The following SLC13A4 variants were observed in gnomAD, a reference collection of about 807,000 sequenced individuals.
The protein encoded by SLC13A4 is solute carrier family 13 member 4.
In SLC13A4, 28 loss-of-function variants were observed where a neutral mutation model predicts 72.7. The ratio of observed to expected loss-of-function variants is 0.39; its 90% CI spans 0.29 to 0.53. The LOEUF is 0.53. Ranked by LOEUF, SLC13A4 falls within the 20% of genes least tolerant of loss-of-function variation. SLC13A4 has a pLI of 0.78. For synonymous variants in SLC13A4, 312 were observed against 325.5 expected (o/e 0.96, Z 0.45); for missense variants, 653 against 788.0 (o/e 0.83, Z 2.05).
At position 135,708,124 on chromosome 7, in the gene SLC13A4, T is replaced by C; in HGVS notation, c.355A>G (p.Lys119Glu). 6.2e-7 allele frequency: 1 copy of C among 1,613,280 alleles called. No homozygotes were observed. The highest frequency in any genetic ancestry group is 1.7e-5 in the Admixed American group (1 of 60,008). ...ALRMVLMAGA[K>E]PGMLLLCFMC... is the part of the protein sequence containing the mutation. Reference sequence around the variant, plus strand: ...CCAAATAAGACTTACATGCCCGGCTTGGCTCCGGCCATCAAGACCATGCGC... The same window carrying C: ...CCAAATAAGACTTACATGCCCGGCTCGGCTCCGGCCATCAAGACCATGCGC... Residue 119 changes from lysine (K) to glutamate (E), a missense_variant, in exon 3 of 16, where the codon AAG becomes GAG. Transcript: ENST00000682651.
intron 13 of SLC13A4, among the ~76,000 whole-genome samples, chr7:135,688,563 A>AG (rs1208201030): frequency 6.6e-6 from 1 of 152,102 alleles, no homozygotes; most frequent in East Asian, 1.9e-4. Context: ...GGCCTAGTAA[A>AG]GTGAAATAAT....
intron 8 of SLC13A4, among the ~76,000 whole-genome samples, chr7:135,698,852 C>T (rs1176744610): frequency 1.3e-5 from 2 of 151,918 alleles, no homozygotes; most frequent in African/African-American, 4.8e-5. Flanking sequence ...TCAGGCTGGT[C>T]TAGGGATCCT....
chr7:135,699,287 A>G (rs751648428), intron 8 of SLC13A4, 77 bp downstream of exon 8: 101 of 1,327,684 alleles, frequency 7.6e-5, no homozygotes, highest in African/African-American at 6.7e-4. Flanking sequence ...ATTTTCTACC[A>G]TATCTCTAGC....
At chr7:135,699,295 A>G (rs984409745) in intron 8 of SLC13A4, 69 bp downstream of exon 8, 7 of 1,398,916 alleles carry the variant, frequency 5.0e-6, no homozygotes, top group African/African-American at 2.9e-5. Flanking sequence ...CCATATCTCT[A>G]GCACCTAGTC....
rs4732137 is a variant in SLC13A4, at chr7:135,723,428, C to T, written c.100-1905G>A. On this transcript the variant is annotated intron_variant, in intron 1 of 15. Coordinates refer to ENST00000682651, the MANE Select transcript of SLC13A4 (RefSeq NM_001318192.2). ...GATGAACGCTGTTAAGACAGGTTACCGCCTTACTCTAGGGAGAGGCTGCAG... is the reference window on the plus strand; with the variant it reads ...GATGAACGCTGTTAAGACAGGTTACTGCCTTACTCTAGGGAGAGGCTGCAG... Among the ~76,000 whole-genome samples, 220 of 152,206 alleles carry T rather than the reference C, an allele frequency of 1.4e-3. No homozygotes were observed. In the Middle Eastern group the frequency reaches 0.017, roughly 12 times the overall value.
At chr7:135,698,401 C>G (rs1795953459) in intron 8 of SLC13A4, among the ~76,000 whole-genome samples, 1 of 135,022 alleles carries the variant, frequency 7.4e-6, no homozygotes, top group Admixed American at 8.6e-5. Context: ...GTGTCACGAT[C>G]TTGGCTCACT....
chr7:135,683,248 G>A (rs1247249079), intron 15 of SLC13A4: 1 of 494,936 alleles, frequency 2.0e-6, no homozygotes, highest in Non-Finnish European at 2.5e-6. Context: ...GCAGTGAGCC[G>A]AGATCGCACC....
intron 13 of SLC13A4, among the ~76,000 whole-genome samples, chr7:135,688,136 C>T (rs982489194): frequency 1.3e-4 from 19 of 150,862 alleles, no homozygotes; most frequent in South Asian, 4.2e-4. Context: ...CCACCACACC[C>T]GGCTAATTTT....
chr7:135,721,388 G>A lies in SLC13A4; in HGVS notation c.228+7C>T. 3.1e-6 allele frequency: 5 copies of A among 1,613,862 alleles called. No homozygotes were observed. Among genetic ancestry groups the A allele is most frequent in the Non-Finnish European group, 4.2e-6 (5 of 1,179,842 alleles). On this transcript the variant is annotated splice_region_variant and intron_variant, in intron 2 of 15. Transcript: ENST00000682651. ...CAGGCAGGGGGTGGGGCTACAAGTA[G>A]TCTAACCTCATTGGACCGGAGGACT...
At chr7:135,718,245 A>G (rs1432604722) in intron 2 of SLC13A4, among the ~76,000 whole-genome samples, 1 of 152,076 alleles carries the variant, frequency 6.6e-6, no homozygotes, top group Non-Finnish European at 1.5e-5. Flanking sequence ...CAGGGTACCC[A>G]TATCATCCCA....
At chr7:135,725,181 T>C (rs186586690) in intron 1 of SLC13A4, among the ~76,000 whole-genome samples, 5 of 152,148 alleles carry the variant, frequency 3.3e-5, no homozygotes, top group East Asian at 3.9e-4. Context: ...AAGGAAAGAG[T>C]TCGAAAGTGG....
intron 15 of SLC13A4, chr7:135,683,782 T>A: frequency 1.0e-6 from 1 of 985,392 alleles, no homozygotes; most frequent in Non-Finnish European, 1.2e-6. Flanking sequence ...AGTAGCTTTC[T>A]CAATGAATGT....
chr7:135,701,540 G>T, intron 7 of SLC13A4, 140 bp downstream of exon 7: 1 of 813,648 alleles, frequency 1.2e-6, no homozygotes, highest in Non-Finnish European at 2.0e-6. Context: ...GCGCACACAG[G>T]CCAGACATGT....
intron 2 of SLC13A4, among the ~76,000 whole-genome samples, chr7:135,718,865 G>A (rs1796484968): frequency 6.6e-6 from 1 of 152,194 alleles, no homozygotes; most frequent in Non-Finnish European, 1.5e-5. Flanking sequence ...GGTGGTTGTG[G>A]AATAGGTGTT....
chr7:135,711,963 A>ATTTTTTTTTTTTGTTTTTTTTTTTTTTT (rs1796313581), intron 2 of SLC13A4, among the ~76,000 whole-genome samples: 1 of 46,886 alleles, frequency 2.1e-5, no homozygotes. Context: ...ATGTTTTTGG[A>ATTTTTTTTTTTTGTTTTTTTTTTTTTTT]TTTTTTTTTT....
At chr7:135,702,561 A>G (rs1356014924) in intron 6 of SLC13A4, 1 of 338,618 alleles carries the variant, frequency 3.0e-6, no homozygotes, top group Non-Finnish European at 5.5e-6. Flanking sequence ...TTTTTAGTAC[A>G]GGCGGGGTTT....
Position 135,717,274 on chromosome 7 carries a change from C to A in SLC13A4, c.228+4121G>T, listed in dbSNP as rs180994858. Among the ~76,000 whole-genome samples, 646 of 152,264 alleles carry A rather than the reference C, an allele frequency of 4.2e-3. 3 individuals are homozygous for A. Among genetic ancestry groups the A allele is most frequent in the Non-Finnish European group, 7.7e-3 (524 of 68,026 alleles). ...TGAGTGAGAAATTCTTTTTTTCCCC[C>A]CTGGAAATTTTGAAGGCTCCAAGGA... On this transcript the variant is annotated intron_variant, in intron 2 of 15. Transcript: ENST00000682651.
rs141332926 is a variant in SLC13A4 at position 135,710,321 on chromosome 7, G to A, written c.229-2071C>T. 1.8e-4 allele frequency among the ~76,000 whole-genome samples: 27 copies of A among 152,238 alleles called. No homozygotes were observed. The East Asian group carries it at 2.9e-3, about 16-fold the overall frequency. ...GGGATGTAAAAGAAAAAATCTTCCC[G>A]GGAGGCAGAGCTTGCAGTAAGCCGA... On this transcript the variant is annotated intron_variant, in intron 2 of 15. Coordinates refer to ENST00000682651, the MANE Select transcript of SLC13A4 (RefSeq NM_001318192.2).
chr7:135,720,833 C>G (rs189428214), intron 2 of SLC13A4, among the ~76,000 whole-genome samples: 1 of 152,298 alleles, frequency 6.6e-6, no homozygotes, highest in African/African-American at 2.4e-5. Flanking sequence ...AGAGGGCTCA[C>G]TCTAGGGAGG....
Sources: gnomAD v4.1 joint callset for allele counts (sites outside exome capture counted in the v4.1 genomes callset) on GRCh38, gnomAD v4.1.1 for gene constraint, MANE v1.5 for transcripts, NCBI Gene and HGNC (gene_info 2026-07-23, HGNC 2026-07-21) for gene names.